The following PSTPIP2 variants were observed in gnomAD, a reference collection of about 807,000 sequenced individuals.
PSTPIP2 encodes proline-serine-threonine phosphatase interacting protein 2.
PSTPIP2 carries 33 observed loss-of-function variants against 63.3 expected under a neutral mutation model. That is an observed-to-expected ratio of 0.52 (90% CI 0.40 to 0.70). The LOEUF is 0.70. PSTPIP2 is among the 30% of genes least tolerant of loss of function. PSTPIP2 has a pLI of 0.00. For synonymous variants in PSTPIP2, 125 were observed against 132.7 expected, an observed-to-expected ratio of 0.94 and a Z score of 0.40; for missense variants, 312 against 400.7, an observed-to-expected ratio of 0.78 and a Z score of 1.89.
At position 45,986,565 on chromosome 18, in the gene PSTPIP2, A is replaced by G. The variant is rs150734964; in HGVS notation, c.*9-1115T>C. ...AGGTGCCACATCTGAATTCCAAGTC[A>G]TTGATTTACCAGGTTTCCACTCTGC... On this transcript the variant is annotated intron_variant, in intron 14 of 14. Transcript: ENST00000409746. Among the ~76,000 whole-genome samples, 242 of 152,368 alleles carry G rather than the reference A, an allele frequency of 1.6e-3. 1 individual carries two copies. Among genetic ancestry groups the G allele is most frequent in the African/African-American group, 5.5e-3 (228 of 41,588 alleles).
intron 2 of PSTPIP2, chr18:46,028,320 A>C: frequency 4.3e-6 from 2 of 469,616 alleles, no homozygotes; most frequent in Non-Finnish European, 4.2e-6. Context: ...CGGACTGGAA[A>C]GCCGGAGCGG....
intron 3 of PSTPIP2, among the ~76,000 whole-genome samples, chr18:46,020,380 C>T (rs980678975): frequency 2.6e-5 from 4 of 152,134 alleles, no homozygotes; most frequent in South Asian, 4.1e-4. Context: ...TCTGGCCGGG[C>T]GCGGTAGCTC....
intron 3 of PSTPIP2, among the ~76,000 whole-genome samples, chr18:46,018,370 A>G (rs2051873322): frequency 6.6e-6 from 1 of 152,044 alleles, no homozygotes; most frequent in South Asian, 2.1e-4. Context: ...ATTCATAATC[A>G]AGGCTTAGAG....
At chr18:46,051,431 C>T (rs1220344100) in intron 1 of PSTPIP2, among the ~76,000 whole-genome samples, 1 of 151,774 alleles carries the variant, frequency 6.6e-6, no homozygotes, top group South Asian at 2.1e-4. Flanking sequence ...GCCAAGATCG[C>T]GCCACTGCAC....
In PSTPIP2 at chr18:46,030,520, G is replaced by T. The variant is rs930384; in HGVS notation, c.135-5834C>A. On this transcript the variant is annotated intron_variant, in intron 2 of 14. Transcript: ENST00000409746. ...ATTGTTTACATTTTGTTTCATTTGTGTATAACATATTCTGTTCTCCAATCA... is the reference window on the plus strand; with the variant it reads ...ATTGTTTACATTTTGTTTCATTTGTTTATAACATATTCTGTTCTCCAATCA... Among the ~76,000 whole-genome samples, 1,007 of 152,248 alleles carry T rather than the reference G, an allele frequency of 6.6e-3. 6 individuals carry two copies. The highest frequency in any genetic ancestry group is 0.022 in the African/African-American group (902 of 41,556).
At chr18:45,993,275 A>G (rs1321767015) in intron 10 of PSTPIP2, among the ~76,000 whole-genome samples, 1 of 151,950 alleles carries the variant, frequency 6.6e-6, no homozygotes, top group African/African-American at 2.4e-5. Flanking sequence ...TTGCATTTTT[A>G]GTAGAGACGG....
At chr18:46,063,767 G>A (rs1909073489) in intron 1 of PSTPIP2, among the ~76,000 whole-genome samples, 1 of 152,144 alleles carries the variant, frequency 6.6e-6, no homozygotes, top group Admixed American at 6.6e-5. Context: ...CACTCTCCCT[G>A]GTGATAAAAA....
At chr18:46,035,123 C>G (rs1907921132) in intron 2 of PSTPIP2, among the ~76,000 whole-genome samples, 1 of 152,030 alleles carries the variant, frequency 6.6e-6, no homozygotes, top group Non-Finnish European at 1.5e-5. Flanking sequence ...TAGAATGTTT[C>G]CTTTAAAGAG....
intron 14 of PSTPIP2, among the ~76,000 whole-genome samples, chr18:45,985,829 T>G (rs1599687616): frequency 6.6e-6 from 1 of 151,102 alleles, no homozygotes; most frequent in African/African-American, 2.4e-5. Flanking sequence ...CAGGCTGGAG[T>G]GCAGTGGCGC....
chr18:46,028,158 C>T, intron 2 of PSTPIP2: 5 of 327,586 alleles, frequency 1.5e-5, no homozygotes, highest in South Asian at 1.3e-4. Context: ...GAGACAGTGT[C>T]TCAAAAAGAA....
intron 1 of PSTPIP2, among the ~76,000 whole-genome samples, chr18:46,066,621 C>T (rs1909198360): frequency 6.6e-6 from 1 of 152,216 alleles, no homozygotes; most frequent in Admixed American, 6.5e-5. Context: ...CGTGTGTGGG[C>T]TTTGTGCTGC....
intron 9 of PSTPIP2, 48 bp downstream of exon 9, chr18:45,997,701 A>ACCCC (rs767417688): frequency 3.0e-6 from 1 of 332,624 alleles, no homozygotes; most frequent in East Asian, 7.9e-5. Flanking sequence ...TGTTACACAC[A>ACCCC]CCCCCACCCA....
At chr18:46,010,003 C>T (rs1419690512) in intron 5 of PSTPIP2, among the ~76,000 whole-genome samples, 1 of 152,168 alleles carries the variant, frequency 6.6e-6, no homozygotes, top group Non-Finnish European at 1.5e-5. Context: ...TTCATTTCTA[C>T]CCTTCCTTCC....
chr18:45,991,145 T>C (rs750478799), intron 12 of PSTPIP2, among the ~76,000 whole-genome samples: 2 of 152,186 alleles, frequency 1.3e-5, no homozygotes, highest in Non-Finnish European at 2.9e-5. Context: ...ACTAACTGTT[T>C]TGAACAGTGC....
chr18:46,061,557 A>G (rs1471389415), intron 1 of PSTPIP2, among the ~76,000 whole-genome samples: 4 of 152,168 alleles, frequency 2.6e-5, no homozygotes, highest in Non-Finnish European at 5.9e-5. Flanking sequence ...GTCACAGTAA[A>G]GGTCAACCAC....
chr18:46,040,317 C>T (rs1216390083), intron 1 of PSTPIP2: 22 of 310,364 alleles, frequency 7.1e-5, no homozygotes, highest in Non-Finnish European at 6.0e-6. Flanking sequence ...ATCCACCAAC[C>T]AAGCCACCCA....
intron 1 of PSTPIP2, among the ~76,000 whole-genome samples, chr18:46,047,516 C>T (rs1303908191): frequency 6.6e-6 from 1 of 152,046 alleles, no homozygotes; most frequent in African/African-American, 2.4e-5. Context: ...CGCTTAAACT[C>T]GGGAGGCAGA....
chr18:46,023,804 G>A (rs1281700902), intron 3 of PSTPIP2, among the ~76,000 whole-genome samples: 1 of 151,748 alleles, frequency 6.6e-6, no homozygotes, highest in Non-Finnish European at 1.5e-5. Flanking sequence ...ATAGGACATT[G>A]CCCTTCCTCT....
chr18:46,050,827 T>G (rs1382093513), intron 1 of PSTPIP2, among the ~76,000 whole-genome samples: 1 of 152,030 alleles, frequency 6.6e-6, no homozygotes, highest in Admixed American at 6.6e-5. Context: ...ACACCATACA[T>G]GTAGTAGTGA....
Sources: allele counts gnomAD v4.1 joint callset (sites outside exome capture counted in the v4.1 genomes callset), GRCh38; gene constraint gnomAD v4.1.1; transcripts MANE v1.5; gene names NCBI Gene and HGNC (gene_info 2026-07-23, HGNC 2026-07-21).